UBP1: variants seen among roughly 807,000 people sequenced by gnomAD.
UBP1 encodes upstream-binding protein 1.
Under a neutral mutation model 76.1 loss-of-function variants are expected in UBP1, and 22 were observed. That is an observed-to-expected ratio of 0.29 (90% confidence interval 0.21 to 0.41). The LOEUF (loss-of-function observed/expected upper bound fraction) is 0.41, where lower values mean the gene tolerates loss of function less well. Among genes scored for constraint, UBP1 ranks in the 10% least tolerant of loss-of-function variants. The pLI is 1.00. For missense variants in UBP1, 436 were observed against 668.1 expected (o/e 0.65, Z 3.83); for synonymous variants, 224 against 237.1 (o/e 0.94, Z 0.51).
intron 1 of UBP1, among the ~76,000 whole-genome samples, chr3:33,428,494 GGAA>G (rs2045058757): frequency 6.6e-6 from 1 of 151,818 alleles, no homozygotes; most frequent in South Asian, 2.1e-4. Flanking sequence ...TGTCACATAT[GGAA>G]GACAATTTTA....
rs2154060569 is a variant in UBP1 at position 33,440,022 on chromosome 3, A to G, written c.-174T>C. On this transcript the variant is annotated 5_prime_UTR_variant, in exon 1 of 16. Coordinates refer to ENST00000283629, the MANE Select transcript of UBP1 (RefSeq NM_014517.5). ...GCGGGGGCCCCACTGGCAGGGCACG[A>G]CGAGCCCAGCGAGCAATTGCAGCGG... The G allele has an allele frequency of 1.7e-6, 1 of 581,010 alleles. No homozygotes were observed. Among genetic ancestry groups the G allele is most frequent in the Non-Finnish European group, 2.8e-6 (1 of 354,562 alleles). 36.0% of individuals were successfully genotyped at this position (581,010 alleles called of 1,614,324 possible). A position where few individuals can be genotyped will look rare whatever the true frequency, so the allele number is the denominator to read the frequency against.
chr3:33,396,918 G>T, intron 12 of UBP1, 127 bp downstream of exon 12: 1 of 842,204 alleles, frequency 1.2e-6, no homozygotes, highest in Non-Finnish European at 2.0e-6. Context: ...TGAGCACAAT[G>T]CTGCCAATGC....
chr3:33,426,263 T>C (rs945477713), intron 1 of UBP1, among the ~76,000 whole-genome samples: 1 of 151,816 alleles, frequency 6.6e-6, no homozygotes. Flanking sequence ...ACATGAAGCT[T>C]CATGCCTAAT....
chr3:33,424,340 G>T (rs73051557), intron 2 of UBP1, among the ~76,000 whole-genome samples: 21 of 152,184 alleles, frequency 1.4e-4, no homozygotes, highest in Non-Finnish European at 2.6e-4. Context: ...TGAAAAGGTA[G>T]AAATAAGTTA....
chr3:33,426,008 TATATATATATATATATATATATATATATA>T (rs1335654518), intron 1 of UBP1, among the ~76,000 whole-genome samples: 2 of 81,790 alleles, frequency 2.4e-5, no homozygotes, highest in Non-Finnish European at 4.8e-5. Flanking sequence ...TATATATATA[TATATATATATATATATATATATATATATA>T]TAGCACTTTA....
chr3:33,402,224 C>T (rs1250393623), intron 9 of UBP1, among the ~76,000 whole-genome samples: 2 of 152,174 alleles, frequency 1.3e-5, no homozygotes, highest in African/African-American at 4.8e-5. Context: ...CAAGATGCCC[C>T]AAATGCAGTC....
intron 13 of UBP1, among the ~76,000 whole-genome samples, chr3:33,394,705 T>C (rs1007585825): frequency 6.6e-6 from 1 of 152,130 alleles, no homozygotes; most frequent in African/African-American, 2.4e-5. Flanking sequence ...AACCCAGAAT[T>C]TTCCATTACA....
At chr3:33,410,348 T>C (rs1215737608) in intron 5 of UBP1, among the ~76,000 whole-genome samples, 1 of 152,220 alleles carries the variant, frequency 6.6e-6, no homozygotes, top group Non-Finnish European at 1.5e-5. Context: ...CTCTGCAATA[T>C]GACAACACAA....
At position 33,394,470 on chromosome 3, in the gene UBP1, T is replaced by C. The variant is rs1404338801; in HGVS notation, c.1391-1016A>G. Among the ~76,000 whole-genome samples, 3 of 151,896 alleles carry C rather than the reference T, an allele frequency of 2.0e-5. No individual in the cohort carries two copies. In the East Asian group the frequency reaches 5.8e-4, roughly 29 times the overall value. ...TAAAAGATACTATATGAAAAGCTAA[T>C]ATAAACAATGAAGTGTGATGCTTCC... On this transcript the variant is annotated intron_variant, in intron 13 of 15. Transcript: ENST00000283629.
At chr3:33,403,461 C>G (rs544089415) in intron 8 of UBP1, 2 of 163,658 alleles carry the variant, frequency 1.2e-5, no homozygotes, top group African/African-American at 4.9e-5. Flanking sequence ...CAAAATACAT[C>G]AACTGTGTAC....
chr3:33,401,969 A>C (rs1445193608), intron 9 of UBP1, among the ~76,000 whole-genome samples: 1 of 152,126 alleles, frequency 6.6e-6, no homozygotes. Flanking sequence ...AATAGCCTAC[A>C]TGACAACAAG....
chr3:33,416,608 T>A, intron 3 of UBP1, 150 bp downstream of exon 3: 2 of 577,530 alleles, frequency 3.5e-6, no homozygotes, highest in Non-Finnish European at 5.9e-6. Flanking sequence ...CTGCTATAAT[T>A]CCCATTTTAC....
At position 33,412,662 on chromosome 3, in the gene UBP1, A is replaced by G. The variant is rs903593223; in HGVS notation, c.448+60T>C. On this transcript the variant is annotated intron_variant, in intron 4 of 15. Coordinates refer to ENST00000283629, the MANE Select transcript of UBP1 (RefSeq NM_014517.5). ...GTAATTCATGATGCCAACACAACAC[A>G]TTACTGGCTATAGCTAAACAATACC... The G allele has an allele frequency of 4.8e-5, 53 of 1,111,698 alleles. No individual in the cohort carries two copies. The Middle Eastern group carries it at 7.9e-4, about 17-fold the overall frequency. 68.9% of individuals were successfully genotyped at this position (1,111,698 alleles called of 1,614,324 possible).
At chr3:33,396,390 A>G (rs1216209104) in intron 12 of UBP1, 110 bp from the exon 13 acceptor site, 2 of 809,124 alleles carry the variant, frequency 2.5e-6, no homozygotes, top group East Asian at 2.6e-5. Flanking sequence ...AGAACTTTAT[A>G]ATGTTATTTC....
intron 9 of UBP1, among the ~76,000 whole-genome samples, chr3:33,401,970 TGAC>T (rs1246820312): frequency 6.6e-6 from 1 of 152,096 alleles, no homozygotes; most frequent in African/African-American, 2.4e-5. Flanking sequence ...ATAGCCTACA[TGAC>T]AACAAGCTGC....
chr3:33,416,282 G>A (rs1181254439), intron 3 of UBP1, among the ~76,000 whole-genome samples: 1 of 152,168 alleles, frequency 6.6e-6, no homozygotes, highest in Non-Finnish European at 1.5e-5. Context: ...GGCAGGGATG[G>A]TTCTGAGGAT....
chr3:33,394,074 T>A (rs1186797086), intron 13 of UBP1, among the ~76,000 whole-genome samples: 1 of 151,994 alleles, frequency 6.6e-6, no homozygotes, highest in Non-Finnish European at 1.5e-5. Flanking sequence ...TGGAGTGCAG[T>A]GACACAATCA....
In UBP1 at chr3:33,412,714, G is replaced by A; in HGVS notation, c.448+8C>T. ...TCATCTCCATGGTCTTTTGATCACTGCCTGTACCTAAATCAAGAAGTCTGT... is the reference window on the plus strand; with the variant it reads ...TCATCTCCATGGTCTTTTGATCACTACCTGTACCTAAATCAAGAAGTCTGT... On this transcript the variant is annotated splice_region_variant and intron_variant, in intron 4 of 15. Coordinates refer to ENST00000283629, the MANE Select transcript of UBP1 (RefSeq NM_014517.5). 1 of 1,574,392 alleles carries A rather than the reference G, an allele frequency of 6.4e-7. No individual in the cohort carries two copies. Among genetic ancestry groups the A allele is most frequent in the Non-Finnish European group, 8.7e-7 (1 of 1,143,816 alleles).
chr3:33,411,798 T>A, intron 4 of UBP1, 111 bp from the exon 5 acceptor site: 2 of 820,484 alleles, frequency 2.4e-6, no homozygotes, highest in Non-Finnish European at 4.0e-6. Flanking sequence ...TTGAACTCTG[T>A]CTTTCAATGG....
Sources: gnomAD v4.1 joint callset for allele counts (sites outside exome capture counted in the v4.1 genomes callset) on GRCh38, gnomAD v4.1.1 for gene constraint, MANE v1.5 for transcripts, NCBI Gene and HGNC (gene_info 2026-07-23, HGNC 2026-07-21) for gene names.